GRIN2A: variants seen among roughly 807,000 people sequenced by gnomAD.
The protein encoded by GRIN2A is glutamate ionotropic receptor NMDA type subunit 2A.
A neutral mutation model predicts 113.4 loss-of-function variants in GRIN2A; 22 were observed. That is an observed-to-expected ratio of 0.19 (90% CI 0.14 to 0.28). The LOEUF is 0.28. GRIN2A is among the 10% of genes least tolerant of loss of function. The pLI, the probability that GRIN2A is intolerant of heterozygous loss-of-function variation, is 1.00. For missense variants in GRIN2A, 1,502 were observed against 1,887.0 expected (o/e 0.80, Z 3.78); for synonymous variants, 827 against 738.4 (o/e 1.12, Z -1.94).
At chr16:10,011,473 A>C (rs1158373420) in intron 2 of GRIN2A, among the ~76,000 whole-genome samples, 1 of 152,092 alleles carries the variant, frequency 6.6e-6, no homozygotes, top group Non-Finnish European at 1.5e-5. Flanking sequence ...CTACTCTCCC[A>C]GGGCCAAGGC....
chr16:9,937,457 A>G (rs1420121729), intron 3 of GRIN2A, among the ~76,000 whole-genome samples: 2 of 152,184 alleles, frequency 1.3e-5, no homozygotes, highest in African/African-American at 2.4e-5. Context: ...GTGTCAAAAC[A>G]TCTCATGTAC....
At chr16:10,100,349 C>T (rs969694544) in intron 2 of GRIN2A, among the ~76,000 whole-genome samples, 2 of 152,146 alleles carry the variant, frequency 1.3e-5, no homozygotes, top group Admixed American at 6.5e-5. Flanking sequence ...GATGCTTGTG[C>T]AAAGGAGAGT....
chr16:9,875,691 C>G (rs1269990591), intron 4 of GRIN2A, among the ~76,000 whole-genome samples: 1 of 152,198 alleles, frequency 6.6e-6, no homozygotes, highest in East Asian at 1.9e-4. Flanking sequence ...AATCTAGCTG[C>G]TGCTATCAGA....
chr16:9,943,223 G>A (rs1301867662), intron 2 of GRIN2A: 1 of 152,202 alleles, frequency 6.6e-6, no homozygotes, highest in Non-Finnish European at 1.5e-5. Context: ...ATGTGCAGCT[G>A]GGGGAGAGGA....
In GRIN2A at chr16:9,758,594, C is replaced by A. The variant is rs1055013061; in HGVS notation, c.*4555G>T. The A allele has an allele frequency of 2.9e-5, 6 of 209,402 alleles. No homozygotes were observed. Among genetic ancestry groups the A allele is most frequent in the Non-Finnish European group, 5.8e-5 (6 of 102,992 alleles). 13.0% of individuals were successfully genotyped at this position (209,402 alleles called of 1,614,324 possible). Reference sequence around the variant, plus strand: ...CAATTTTATTTGGATAATACACTTACGTGTGAATTGTAGAAATCAAGCATG... The same window carrying A: ...CAATTTTATTTGGATAATACACTTAAGTGTGAATTGTAGAAATCAAGCATG... On this transcript the variant is annotated 3_prime_UTR_variant, in exon 13 of 13. Transcript: ENST00000330684.
chr16:9,981,033 G>GA (rs368029173), intron 2 of GRIN2A, among the ~76,000 whole-genome samples: 55 of 145,742 alleles, frequency 3.8e-4, no homozygotes, highest in South Asian at 1.1e-3. Context: ...ATTATATTAG[G>GA]AAAAAAAAAA....
Position 10,067,075 on chromosome 16 carries a change from G to A in GRIN2A, c.414+112923C>T, listed in dbSNP as rs9933210. 4.1e-3 allele frequency among the ~76,000 whole-genome samples: 631 copies of A among 152,306 alleles called. 4 individuals are homozygous for A. Among genetic ancestry groups the A allele is most frequent in the African/African-American group, 0.014 (579 of 41,558 alleles). On this transcript the variant is annotated intron_variant, in intron 2 of 12. Coordinates refer to ENST00000330684, the MANE Select transcript of GRIN2A (RefSeq NM_001134407.3). ...ACCTCTAACTGGATCCCCCAGCTGT[G>A]AACTCTCTCACATTTTTTCTCTAGC...
At chr16:9,999,676 A>G (rs940733664) in intron 2 of GRIN2A, among the ~76,000 whole-genome samples, 3 of 152,148 alleles carry the variant, frequency 2.0e-5, no homozygotes, top group Non-Finnish European at 4.4e-5. Flanking sequence ...CCACCATCAC[A>G]TGGGCATACC....
At chr16:10,144,963 A>G (rs1730111343) in intron 2 of GRIN2A, among the ~76,000 whole-genome samples, 1 of 151,088 alleles carries the variant, frequency 6.6e-6, no homozygotes, top group South Asian at 2.1e-4. Context: ...AATAAAGAAA[A>G]TGTGACATAT....
At chr16:9,999,881 G>A (rs1393179792) in intron 2 of GRIN2A, among the ~76,000 whole-genome samples, 1 of 152,060 alleles carries the variant, frequency 6.6e-6, no homozygotes, top group Non-Finnish European at 1.5e-5. Flanking sequence ...TTATTATTCT[G>A]CAATTCTGAG....
chr16:9,856,730 T>C (rs901545593), intron 4 of GRIN2A, among the ~76,000 whole-genome samples: 1 of 152,024 alleles, frequency 6.6e-6, no homozygotes, highest in African/African-American at 2.4e-5. Context: ...AATAGATACA[T>C]GAATAACATG....
chr16:9,777,267 A>G (rs571646702), intron 11 of GRIN2A, among the ~76,000 whole-genome samples: 1 of 152,180 alleles, frequency 6.6e-6, no homozygotes, highest in Admixed American at 6.5e-5. Context: ...AAATCTGACA[A>G]ATAAGAAAAA....
At chr16:10,101,797 C>T (rs554980731) in intron 2 of GRIN2A, among the ~76,000 whole-genome samples, 2 of 152,324 alleles carry the variant, frequency 1.3e-5, no homozygotes, top group Non-Finnish European at 2.9e-5. Flanking sequence ...ACCTTCAGAT[C>T]TTCCGCTGGA....
rs116918113 is a variant in GRIN2A at position 10,124,358 on chromosome 16, G to A, written c.414+55640C>T. On this transcript the variant is annotated intron_variant, in intron 2 of 12. Coordinates refer to ENST00000330684, the MANE Select transcript of GRIN2A (RefSeq NM_001134407.3). ...CAGGGATCATGTATGCAAAGTGCCTGCCCTGTATGCAGTAGATGCTCAATA... is the reference window on the plus strand; with the variant it reads ...CAGGGATCATGTATGCAAAGTGCCTACCCTGTATGCAGTAGATGCTCAATA... Among the ~76,000 whole-genome samples the A allele has an allele frequency of 4.0e-3, 612 of 152,324 alleles. 3 individuals are homozygous for A. The highest frequency in any genetic ancestry group is 6.0e-3 in the Non-Finnish European group (409 of 68,018).
rs550721791 is a variant in GRIN2A at position 10,117,440 on chromosome 16, T to A, written c.414+62558A>T. The stretch of plus-strand genomic sequence containing the variant: ...GTTGATAAATGCTGAAGCTGGATGG[T>A]GAGTATAGGAGAGTTATCTCTGCTT... On this transcript the variant is annotated intron_variant, in intron 2 of 12. Coordinates refer to ENST00000330684, the MANE Select transcript of GRIN2A (RefSeq NM_001134407.3). Among the ~76,000 whole-genome samples, 5 of 152,296 alleles carry A rather than the reference T, an allele frequency of 3.3e-5. No individual in the cohort carries two copies. In the East Asian group the frequency reaches 9.6e-4, roughly 29 times the overall value.
At chr16:9,947,523 G>C (rs1049831626) in intron 2 of GRIN2A, among the ~76,000 whole-genome samples, 4 of 152,182 alleles carry the variant, frequency 2.6e-5, no homozygotes, top group African/African-American at 9.7e-5. Flanking sequence ...CACTTGCTAG[G>C]GGCAGGCCCT....
chr16:9,950,583 C>T (rs778389257), intron 2 of GRIN2A, among the ~76,000 whole-genome samples: 1 of 152,202 alleles, frequency 6.6e-6, no homozygotes, highest in Non-Finnish European at 1.5e-5. Context: ...GCTACAATGA[C>T]AGCCTTCTCT....
At chr16:10,128,468 G>A (rs1364017998) in intron 2 of GRIN2A, among the ~76,000 whole-genome samples, 1 of 152,166 alleles carries the variant, frequency 6.6e-6, no homozygotes, top group Admixed American at 6.5e-5. Flanking sequence ...CTGTAAAGAA[G>A]AGGCCATTAC....
intron 10 of GRIN2A, among the ~76,000 whole-genome samples, chr16:9,813,100 C>A (rs183592312): frequency 1.3e-5 from 2 of 152,324 alleles, no homozygotes; most frequent in Admixed American, 6.5e-5. Flanking sequence ...TATCAGCAAC[C>A]TTTTCAAAAA....
Sources: gnomAD v4.1 joint callset for allele counts (sites outside exome capture counted in the v4.1 genomes callset) on GRCh38, gnomAD v4.1.1 for gene constraint, MANE v1.5 for transcripts, NCBI Gene and HGNC (gene_info 2026-07-23, HGNC 2026-07-21) for gene names.